Variants in SCN3A observed in about 807,000 individuals in gnomAD.
SCN3A encodes sodium channel protein type 3 subunit alpha.
In SCN3A, 60 loss-of-function variants were observed where a neutral mutation model predicts 187.6. That is an observed-to-expected ratio of 0.32 (90% CI 0.26 to 0.40). The LOEUF is 0.40. Ranked by LOEUF, SCN3A falls within the 10% of genes least tolerant of loss-of-function variation. The probability of loss-of-function intolerance (pLI) is 1.00; values close to 1 mark genes in which losing one functional copy is unlikely to be tolerated. For missense variants in SCN3A, 1,601 were observed against 2,428.2 expected (o/e 0.66, Z 7.16); for synonymous variants, 788 against 829.2 (o/e 0.95, Z 0.85).
intron 1 of SCN3A, among the ~76,000 whole-genome samples, chr2:165,194,652 A>G (rs1691831359): frequency 6.6e-6 from 1 of 152,128 alleles, no homozygotes; most frequent in Non-Finnish European, 1.5e-5. Context: ...TAGATATTCA[A>G]TTTTGTACAC....
rs552277545 is a variant in SCN3A, at chr2:165,197,889, A to G, written c.-248+5934T>C. On this transcript the variant is annotated intron_variant, in intron 1 of 27. Transcript: ENST00000283254. ...GTAGAAACTAAGGCCATTGTCAAAAACGGATATTAAGGAAGGATTTATTTT... is the reference window on the plus strand; with the variant it reads ...GTAGAAACTAAGGCCATTGTCAAAAGCGGATATTAAGGAAGGATTTATTTT... 2.4e-4 allele frequency among the ~76,000 whole-genome samples: 37 copies of G among 152,062 alleles called. 1 individual carries two copies. The highest frequency in any genetic ancestry group is 8.7e-4 in the African/African-American group (36 of 41,560).
chr2:165,105,089 C>T (rs1264458643), intron 21 of SCN3A, among the ~76,000 whole-genome samples: 8 of 152,218 alleles, frequency 5.3e-5, no homozygotes, highest in Admixed American at 4.6e-4. Flanking sequence ...TTTGGTTGCT[C>T]AAAAACAGAG....
intron 1 of SCN3A, among the ~76,000 whole-genome samples, chr2:165,198,745 A>C (rs1692134651): frequency 6.6e-6 from 1 of 152,056 alleles, no homozygotes; most frequent in African/African-American, 2.4e-5. Context: ...TTCTTCTAGA[A>C]TTTATTATTT....
At position 165,128,002 on chromosome 2, in the gene SCN3A, C is replaced by G; in HGVS notation, c.3022G>C (p.Val1008Leu). Reference protein sequence around the residue: ...DNEMNNLQIAVGRMQKGIDYV... With the variant: ...DNEMNNLQIALGRMQKGIDYV... ...TCAATTCCCTTTTGCATTCTTCCTA[C>G]TGCAATCTGCAGATTATTCATTTCA... The change falls in exon 18 of 28, where the codon GTA becomes CTA. Residue 1008 changes from valine to leucine, a missense_variant. Val to Leu is a conservative substitution (Grantham distance 32). This residue lies in a region of SCN3A where 267 missense variants were observed against 313.2 expected (regional missense o/e 0.85). Transcript: ENST00000283254. 6.2e-7 allele frequency: 1 copy of G among 1,613,972 alleles called. No homozygotes were observed.
At chr2:165,119,971 A>G (rs971078656) in intron 18 of SCN3A, among the ~76,000 whole-genome samples, 4 of 152,124 alleles carry the variant, frequency 2.6e-5, no homozygotes, top group Admixed American at 6.5e-5. Flanking sequence ...TTCTTGTACT[A>G]TTTTCTCCCT....
chr2:165,102,911 T>C (rs941193172), intron 21 of SCN3A, among the ~76,000 whole-genome samples: 1 of 152,232 alleles, frequency 6.6e-6, no homozygotes, highest in Non-Finnish European at 1.5e-5. Context: ...GAATTTAAAA[T>C]ATTTTTAGGA....
At chr2:165,167,915 C>G (rs1334023767) in intron 5 of SCN3A, among the ~76,000 whole-genome samples, 2 of 152,078 alleles carry the variant, frequency 1.3e-5, no homozygotes, top group Non-Finnish European at 2.9e-5. Flanking sequence ...AGACCTTTCT[C>G]CATGTATTAA....
At chr2:165,148,165 A>G (rs894733969) in intron 11 of SCN3A, among the ~76,000 whole-genome samples, 5 of 131,296 alleles carry the variant, frequency 3.8e-5, no homozygotes, top group Non-Finnish European at 7.8e-5. Flanking sequence ...GTGAATAAAG[A>G]TTTAAAAATG....
intron 1 of SCN3A, among the ~76,000 whole-genome samples, chr2:165,193,564 C>T (rs1691747496): frequency 6.6e-6 from 1 of 152,148 alleles, no homozygotes; most frequent in South Asian, 2.1e-4. Context: ...ATGTCTCCTA[C>T]TGCTTGCTGG....
Position 165,154,446 on chromosome 2 carries a change from C to A in SCN3A, c.1380+6G>T, listed in dbSNP as rs1688891869. 1.2e-6 allele frequency: 2 copies of A among 1,613,596 alleles called. No individual in the cohort carries two copies. The highest frequency in any genetic ancestry group is 1.7e-6 in the Non-Finnish European group (2 of 1,179,742). On this transcript the variant is annotated splice_donor_region_variant and intron_variant, in intron 11 of 27. Transcript: ENST00000283254. ...ATGATAAATCTTTGCTTTTATCACT[C>A]AGTACCTGAGCTTCTTCCTGTTGCT... is the stretch of plus-strand genomic sequence containing the variant.
intron 11 of SCN3A, among the ~76,000 whole-genome samples, chr2:165,153,003 A>G (rs1479751204): frequency 6.6e-6 from 1 of 151,614 alleles, no homozygotes; most frequent in Non-Finnish European, 1.5e-5. Flanking sequence ...AGCTTTGAAA[A>G]AAAAAAAAAA....
rs747954941 is a variant in SCN3A, at chr2:165,162,674, G to T, written c.849C>A (p.Ser283Arg). The T allele has an allele frequency of 3.1e-6, 5 of 1,614,130 alleles. No individual in the cohort carries two copies. Among genetic ancestry groups the T allele is most frequent in the Non-Finnish European group, 4.2e-6 (5 of 1,180,010 alleles). ...TGGTGTTGGTTTCAAAAGCAGAATC[G>T]CTTGGGGGCCACTGCAAACATTTAT... ...LRNKCLQWPP[S>R]DSAFETNTTS... The change falls in exon 8 of 28, where the codon AGC (serine) becomes AGA (arginine). Residue 283 changes from serine to arginine, a missense_variant. Physicochemically the swap from Ser to Arg is moderately radical, Grantham distance 110 (BLOSUM62 -1). Around this residue, in one of 11 missense-constraint regions of SCN3A, gnomAD observed 104 missense variants for 102.7 expected, o/e 1.01. Coordinates refer to ENST00000283254, the MANE Select transcript of SCN3A (RefSeq NM_006922.4).
intron 5 of SCN3A, among the ~76,000 whole-genome samples, chr2:165,165,459 AT>A (rs1450807357): frequency 7.2e-5 from 11 of 152,278 alleles, no homozygotes; most frequent in African/African-American, 2.6e-4. Flanking sequence ...CCTTGCTTAA[AT>A]TCAATTTTCA....
rs1685076708 is a variant in SCN3A, at chr2:165,091,092, A to G, written c.5061T>C (p.Asp1687=). 1.2e-6 allele frequency: 2 copies of G among 1,614,118 alleles called. No individual in the cohort carries two copies. Among genetic ancestry groups the G allele is most frequent in the Non-Finnish European group, 1.7e-6 (2 of 1,179,990 alleles). Reference sequence around the variant, plus strand: ...CAAAGGTCTCAAAGTTGAACATGTCATCAATTCCAGCTTCCTTTTTAACAT... The same window carrying G: ...CAAAGGTCTCAAAGTTGAACATGTCGTCAATTCCAGCTTCCTTTTTAACAT... ...FAYVKKEAGI[D]DMFNFETFGN... The change falls in exon 28 of 28, where the codon GAT becomes GAC. Residue 1687 remains aspartate (D), a synonymous_variant. Coordinates refer to ENST00000283254, the MANE Select transcript of SCN3A (RefSeq NM_006922.4).
chr2:165,140,050 A>G lies in SCN3A; in HGVS notation c.2020-442T>C, dbSNP rs1417504378. ...TATTTTCTTTGAGGCTATATTGACA[A>G]TATTGACATATGTGGGCCAATTTTT... On this transcript the variant is annotated intron_variant, in intron 13 of 27. Coordinates refer to ENST00000283254, the MANE Select transcript of SCN3A (RefSeq NM_006922.4). The surrounding 1 kb of genome is among the most constrained non-coding windows in gnomAD (Gnocchi z 4.2). Among the ~76,000 whole-genome samples the G allele has an allele frequency of 6.6e-6, 1 of 152,146 alleles. No individual in the cohort carries two copies. Among genetic ancestry groups the G allele is most frequent in the East Asian group, 1.9e-4 (1 of 5,182 alleles).
intron 19 of SCN3A, among the ~76,000 whole-genome samples, chr2:165,114,560 G>A (rs73969187): frequency 6.6e-6 from 1 of 152,224 alleles, no homozygotes; most frequent in African/African-American, 2.4e-5. Context: ...TCTGCTGTAA[G>A]TCTCTGAGCT....
intron 17 of SCN3A, among the ~76,000 whole-genome samples, chr2:165,128,442 AG>A (rs1687125347): frequency 6.6e-6 from 1 of 151,992 alleles, no homozygotes; most frequent in African/African-American, 2.4e-5. Context: ...AGAGAGAGAG[AG>A]AGAGAGAAAG....
Position 165,176,085 on chromosome 2 carries a change from A to G in SCN3A, c.264+46T>C, listed in dbSNP as rs778405279. ...AGGCCCAGAAAAGTATATTACAGTTAAGAGTTTCATTAAAGATTTATTAGA... is the reference window on the plus strand; with the variant it reads ...AGGCCCAGAAAAGTATATTACAGTTGAGAGTTTCATTAAAGATTTATTAGA... On this transcript the variant is annotated intron_variant, in intron 3 of 27. Coordinates refer to ENST00000283254, the MANE Select transcript of SCN3A (RefSeq NM_006922.4). 4 of 1,582,532 alleles carry G rather than the reference A, an allele frequency of 2.5e-6. No individual in the cohort carries two copies. In the East Asian group the frequency reaches 9.0e-5, roughly 35 times the overall value.
chr2:165,122,261 C>G (rs1350314250), intron 18 of SCN3A, among the ~76,000 whole-genome samples: 1 of 117,144 alleles, frequency 8.5e-6, no homozygotes, highest in Admixed American at 1.1e-4. Context: ...TTTTACAGAA[C>G]CTTTCCCCCA....
Sources: allele counts gnomAD v4.1 joint callset (sites outside exome capture counted in the v4.1 genomes callset), GRCh38; gene constraint gnomAD v4.1.1; regional missense constraint gnomAD v4.1.1; non-coding constraint Gnocchi (gnomAD v3.1); transcripts MANE v1.5; gene names NCBI Gene and HGNC (gene_info 2026-07-23, HGNC 2026-07-21).